Variants in CSF1R observed in about 807,000 individuals in gnomAD.
CSF1R encodes the protein macrophage colony-stimulating factor 1 receptor.
CSF1R carries 40 observed loss-of-function variants against 110.0 expected under a neutral mutation model. The observed-to-expected ratio is 0.36, with a 90% CI of 0.28 to 0.47. The LOEUF (loss-of-function observed/expected upper bound fraction) is 0.47, where lower values mean the gene tolerates loss of function less well. Ranked by LOEUF, CSF1R falls within the 20% of genes least tolerant of loss-of-function variation. The pLI is 0.99. For synonymous variants in CSF1R, 523 were observed against 503.4 expected, an observed-to-expected ratio of 1.04 and a Z score of -0.52; for missense variants, 1,052 against 1,253.0, an observed-to-expected ratio of 0.84 and a Z score of 2.42.
chr5:150,081,436 G>A (rs180795794), intron 1 of CSF1R, among the ~76,000 whole-genome samples: 141 of 152,132 alleles, frequency 9.3e-4, no homozygotes, highest in Non-Finnish European at 3.7e-4. Flanking sequence ...GAATGTTCAC[G>A]GCCAAGTCCT....
At chr5:150,108,981 T>C (rs1759630525) in intron 1 of CSF1R, among the ~76,000 whole-genome samples, 1 of 151,538 alleles carries the variant, frequency 6.6e-6, no homozygotes, top group African/African-American at 2.4e-5. Context: ...TACACAGTGG[T>C]GGCAGATTTT....
intron 1 of CSF1R, among the ~76,000 whole-genome samples, chr5:150,092,409 T>G (rs1246757574): frequency 1.3e-5 from 2 of 151,832 alleles, no homozygotes; most frequent in Admixed American, 1.3e-4. Flanking sequence ...AAACTGCAGA[T>G]AGTACTAAAC....
Position 150,054,365 on chromosome 5 carries a change from C to A in CSF1R, c.2720G>T (p.Cys907Phe), listed in dbSNP as rs1757090665. 1.2e-6 allele frequency: 2 copies of A among 1,614,112 alleles called. No individual in the cohort carries two copies. ...TTGGGCCTGCTCCTGAAGGAAGGAG[C>A]AGATCTGCTGGAAGGTGGGTCTGTG... ...PTHRPTFQQI[C>F]SFLQEQAQED... is the part of the protein sequence containing the mutation. The change falls in exon 20 of 21, where the codon TGC becomes TTC. Residue 907 changes from cysteine to phenylalanine, a missense_variant. This residue lies in a region of CSF1R where 74 missense variants were observed against 187.4 expected (regional missense o/e 0.39). Transcript: ENST00000675795.
chr5:150,060,774 AAGG>A (rs1430651833), intron 13 of CSF1R, 85 bp downstream of exon 13: 26 of 786,546 alleles, frequency 3.3e-5, no homozygotes, highest in South Asian at 3.3e-4. Context: ...GGATCCTGAG[AAGG>A]AGAAGACGGA....
intron 18 of CSF1R, 124 bp from the exon 19 acceptor site, chr5:150,055,460 C>T: frequency 5.2e-6 from 4 of 775,768 alleles, no homozygotes; most frequent in East Asian, 5.3e-5. Flanking sequence ...AGCAGCTACT[C>T]TTACCCGGTG....
rs557356978 is a variant in CSF1R at position 150,077,947 on chromosome 5, G to A, written c.729+165C>T. ...GAGTCCTGATTCTGTGTCAGCTACT[G>A]ACTGGGAGTGAGATCTCGGGTGAGT... On this transcript the variant is annotated intron_variant, in intron 4 of 20. Coordinates refer to ENST00000675795, the MANE Select transcript of CSF1R (RefSeq NM_001288705.3). 1.9e-4 allele frequency among the ~76,000 whole-genome samples: 28 copies of A among 148,980 alleles called. No individual in the cohort carries two copies. The Admixed American group carries it at 1.9e-3, about 10-fold the overall frequency.
chr5:150,065,482 G>C (rs565747559), intron 10 of CSF1R, among the ~76,000 whole-genome samples: 2 of 152,346 alleles, frequency 1.3e-5, no homozygotes, highest in South Asian at 4.1e-4. Flanking sequence ...GGACAGAAAG[G>C]TGATGATTCA....
chr5:150,090,377 T>C (rs1300168727), upstream of CSF1R, among the ~76,000 whole-genome samples: 1 of 152,190 alleles, frequency 6.6e-6, no homozygotes, highest in African/African-American at 2.4e-5. Context: ...ACCACCACTG[T>C]AGTCAAGATA....
chr5:150,102,782 T>C (rs968301759), intron 1 of CSF1R, among the ~76,000 whole-genome samples: 1 of 152,244 alleles, frequency 6.6e-6, no homozygotes, highest in Non-Finnish European at 1.5e-5. Flanking sequence ...ACCCAGCTTA[T>C]TGAACTATTC....
intron 1 of CSF1R, among the ~76,000 whole-genome samples, chr5:150,083,300 C>T (rs1292844923): frequency 6.7e-6 from 1 of 149,652 alleles, no homozygotes; most frequent in Non-Finnish European, 1.5e-5. Flanking sequence ...CCTGGAAGCC[C>T]CTCCCTCATC....
chr5:150,088,757 C>T (rs549458883), upstream of CSF1R, among the ~76,000 whole-genome samples: 1 of 152,154 alleles, frequency 6.6e-6, no homozygotes, highest in Admixed American at 6.5e-5. Context: ...TAGTCTTGAA[C>T]TCCTGACCTC....
At chr5:150,079,719 C>T (rs1242556185) in intron 3 of CSF1R, among the ~76,000 whole-genome samples, 1 of 152,198 alleles carries the variant, frequency 6.6e-6, no homozygotes, top group Non-Finnish European at 1.5e-5. Flanking sequence ...CAGATTTCCG[C>T]TCTAATAAAG....
intron 1 of CSF1R, among the ~76,000 whole-genome samples, chr5:150,095,505 A>G (rs1224982160): frequency 6.6e-6 from 1 of 152,194 alleles, no homozygotes; most frequent in Non-Finnish European, 1.5e-5. Flanking sequence ...GAAATTAAAC[A>G]CACTTATAAA....
At chr5:150,084,480 T>A (rs1758741174) in intron 1 of CSF1R, among the ~76,000 whole-genome samples, 8 of 140,992 alleles carry the variant, frequency 5.7e-5, no homozygotes, top group South Asian at 2.3e-4. Flanking sequence ...GGAGATGGAG[T>A]CTTGCTCTGT....
rs762942647 is a variant in CSF1R, at chr5:150,069,934, G to A, written c.1449C>T (p.Tyr483=). 70 of 1,613,970 alleles carry A rather than the reference G, an allele frequency of 4.3e-5. No individual in the cohort carries two copies. Among genetic ancestry groups the A allele is most frequent in the East Asian group, 1.1e-4 (5 of 44,892 alleles). The change falls in exon 9 of 21, where the codon TAC becomes TAT. Residue 483 remains tyrosine (Y), a synonymous_variant. Coordinates refer to ENST00000675795, the MANE Select transcript of CSF1R (RefSeq NM_001288705.3). ...TVETLEHNQT[Y]ECRAHNSVGS... ...CCACGCTGTTGTGGGCCCTGCACTC[G>A]TAGGTTTGGTTGTGCTCTAAGGTCT...
intron 1 of CSF1R, among the ~76,000 whole-genome samples, chr5:150,092,646 T>G (rs1270663114): frequency 1.3e-5 from 2 of 152,030 alleles, no homozygotes; most frequent in East Asian, 3.9e-4. Flanking sequence ...GAACTCCCAT[T>G]TATAAAACCA....
At chr5:150,096,221 C>A (rs567642563) in intron 1 of CSF1R, among the ~76,000 whole-genome samples, 1 of 152,278 alleles carries the variant, frequency 6.6e-6, no homozygotes, top group African/African-American at 2.4e-5. Context: ...GAAACCCCAT[C>A]TCTACTAAAA....
At position 150,085,238 on chromosome 5, in the gene CSF1R, T is replaced by C. The variant is rs937576784; in HGVS notation, c.49+1141A>G. Reference sequence around the variant, plus strand: ...TTGCAGTGAGCCGAGATTGTGCCACTGTACTCCAGCCTGGTGACAGAGAGA... The same window carrying C: ...TTGCAGTGAGCCGAGATTGTGCCACCGTACTCCAGCCTGGTGACAGAGAGA... On this transcript the variant is annotated intron_variant, in intron 1 of 20. Coordinates refer to ENST00000675795, the MANE Select transcript of CSF1R (RefSeq NM_001288705.3). Among the ~76,000 whole-genome samples, 9 of 138,642 alleles carry C rather than the reference T, an allele frequency of 6.5e-5. No homozygotes were observed. The Admixed American group carries it at 6.9e-4, about 11-fold the overall frequency. 91.0% of individuals were successfully genotyped at this position (138,642 alleles called of 152,430 possible). A position where few individuals can be genotyped will look rare whatever the true frequency, so the allele number is the denominator to read the frequency against.
chr5:150,092,698 G>T (rs1320526815), intron 1 of CSF1R, among the ~76,000 whole-genome samples: 1 of 152,112 alleles, frequency 6.6e-6, no homozygotes, highest in Non-Finnish European at 1.5e-5. Context: ...AGAACAGTAT[G>T]GGGAAAACTG....
Sources: allele counts gnomAD v4.1 joint callset (sites outside exome capture counted in the v4.1 genomes callset), GRCh38; gene constraint gnomAD v4.1.1; regional missense constraint gnomAD v4.1.1; transcripts MANE v1.5; gene names NCBI Gene and HGNC (gene_info 2026-07-23, HGNC 2026-07-21).